PTPRA: variants seen among roughly 807,000 people sequenced by gnomAD.
PTPRA encodes receptor-type tyrosine-protein phosphatase alpha.
A neutral mutation model predicts 104.8 loss-of-function variants in PTPRA; 25 were observed. That is an observed-to-expected ratio of 0.24 (90% CI 0.17 to 0.33). The LOEUF is 0.33. Ranked by LOEUF, PTPRA falls within the 10% of genes least tolerant of loss-of-function variation. The probability of loss-of-function intolerance (pLI) is 1.00; values close to 1 mark genes in which losing one functional copy is unlikely to be tolerated. For missense variants in PTPRA, 765 were observed against 1,015.3 expected (o/e 0.75, Z 3.35); for synonymous variants, 323 against 368.9 (o/e 0.88, Z 1.43).
rs117535407 is a variant in PTPRA at position 3,009,413 on chromosome 20, C to T, written c.906+1993C>T. Among the ~76,000 whole-genome samples, 355 of 151,936 alleles carry T rather than the reference C, an allele frequency of 2.3e-3. No individual in the cohort carries two copies. The Middle Eastern group carries it at 0.024, about 10-fold the overall frequency. On this transcript the variant is annotated intron_variant, in intron 11 of 23. Coordinates refer to ENST00000399903, the MANE Select transcript of PTPRA (RefSeq NM_001385305.1). ...CTTCAGTTTCAGTAGAAAAGAAAAG[C>T]GTTAGGAAGTTGTTAGGAATAAACA...
chr20:3,018,803 G>A (rs1264681439), intron 13 of PTPRA, among the ~76,000 whole-genome samples: 2 of 138,070 alleles, frequency 1.4e-5, no homozygotes, highest in East Asian at 2.3e-4. Context: ...AGGGGCGGCC[G>A]GGCAGAGGCG....
chr20:2,961,419 C>T (rs138172344), intron 3 of PTPRA, among the ~76,000 whole-genome samples: 13 of 152,196 alleles, frequency 8.5e-5, no homozygotes, highest in East Asian at 3.9e-4. Flanking sequence ...GCTTATTTGC[C>T]GTACTGTTTA....
chr20:2,866,681 CGGGGGCATGGTAGCAG>C, the PTPRA span: 1 of 1,504,018 alleles, frequency 6.6e-7, no homozygotes, highest in African/African-American at 1.4e-5. Flanking sequence ...TGCTGAGGAG[CGGGGGCATGGTAGCAG>C]GGCTGTCTGG....
rs1000731563 is a variant in PTPRA at position 2,964,305 on chromosome 20, C to T, written c.28C>T (p.Leu10Phe). The part of the protein sequence containing the change: MDSWFILVL[L>F]GSGLICVSAN... Reference sequence around the variant, plus strand: ...GGATTCCTGGTTCATTCTTGTTCTGCTCGGCAGTGGTCTGATATGTGTCAG... The same window carrying T: ...GGATTCCTGGTTCATTCTTGTTCTGTTCGGCAGTGGTCTGATATGTGTCAG... The change falls in exon 4 of 24, where the codon CTC (leucine) becomes TTC (phenylalanine). Residue 10 changes from leucine (L) to phenylalanine (F), a missense_variant. Transcript: ENST00000399903. The T allele has an allele frequency of 1.2e-6, 2 of 1,610,798 alleles. No individual in the cohort carries two copies. Among genetic ancestry groups the T allele is most frequent in the Non-Finnish European group, 1.7e-6 (2 of 1,178,914 alleles).
At chr20:3,020,920 G>GC (rs977858145) in intron 13 of PTPRA, among the ~76,000 whole-genome samples, 1 of 152,256 alleles carries the variant, frequency 6.6e-6, no homozygotes, top group Non-Finnish European at 1.5e-5. Flanking sequence ...TACCCTGGTG[G>GC]CCCCCTCATA....
intron 2 of PTPRA, among the ~76,000 whole-genome samples, chr20:2,938,897 T>C (rs1241460051): frequency 1.3e-5 from 2 of 152,208 alleles, no homozygotes; most frequent in Non-Finnish European, 2.9e-5. Flanking sequence ...CATCTGTTGA[T>C]TGCCTTTTTT....
chr20:2,901,259 G>C (rs552598203), intron 1 of PTPRA, among the ~76,000 whole-genome samples: 1 of 151,502 alleles, frequency 6.6e-6, no homozygotes, highest in African/African-American at 2.4e-5. Context: ...ATGAGCCACC[G>C]CACCCAGCCT....
At chr20:2,966,531 A>G (rs1460567333) in intron 5 of PTPRA, among the ~76,000 whole-genome samples, 1 of 152,228 alleles carries the variant, frequency 6.6e-6, no homozygotes, top group Non-Finnish European at 1.5e-5. Flanking sequence ...TGCAGATGGC[A>G]TCCCACTATT....
At chr20:2,877,501 C>T (rs1172952355) in intron 1 of PTPRA, among the ~76,000 whole-genome samples, 5 of 152,110 alleles carry the variant, frequency 3.3e-5, no homozygotes, top group East Asian at 1.9e-4. Flanking sequence ...TCAGGTGATC[C>T]GCTGGTCTTG....
intron 1 of PTPRA, among the ~76,000 whole-genome samples, chr20:2,917,914 C>T (rs1600109791): frequency 1.3e-5 from 2 of 151,550 alleles, no homozygotes; most frequent in Admixed American, 6.6e-5. Context: ...GATTGTGAAA[C>T]CCCGTTTCTA....
chr20:2,931,816 C>A (rs760094202), intron 2 of PTPRA, among the ~76,000 whole-genome samples: 1 of 152,040 alleles, frequency 6.6e-6, no homozygotes, highest in Non-Finnish European at 1.5e-5. Flanking sequence ...ACTGCAGCCT[C>A]AAACGAACCT....
Position 3,038,149 on chromosome 20 carries a change from C to T in PTPRA, c.*16C>T, listed in dbSNP as rs770584609. On this transcript the variant is annotated 3_prime_UTR_variant, in exon 24 of 24. Coordinates refer to ENST00000399903, the MANE Select transcript of PTPRA (RefSeq NM_001385305.1). Reference sequence around the variant, plus strand: ...CTTCAAGTAAGCGGCAACAAGGGTCCGTGGACCAGGAGGATTGCCTTTAAT... The same window carrying T: ...CTTCAAGTAAGCGGCAACAAGGGTCTGTGGACCAGGAGGATTGCCTTTAAT... The T allele has an allele frequency of 1.2e-5, 19 of 1,589,894 alleles. No homozygotes were observed. The highest frequency in any genetic ancestry group is 9.9e-5 in the South Asian group (9 of 90,502).
At chr20:2,885,918 G>T (rs1417897004) in intron 1 of PTPRA, among the ~76,000 whole-genome samples, 1 of 152,122 alleles carries the variant, frequency 6.6e-6, no homozygotes, top group Non-Finnish European at 1.5e-5. Context: ...ACAAAAATTA[G>T]CTGGGCGTGG....
At chr20:2,921,764 G>T (rs1474792755) in intron 1 of PTPRA, among the ~76,000 whole-genome samples, 1 of 152,146 alleles carries the variant, frequency 6.6e-6, no homozygotes, top group East Asian at 1.9e-4. Flanking sequence ...GGTATAGGGA[G>T]CCATCAGACT....
At chr20:2,884,146 A>G (rs933574761) in intron 1 of PTPRA, among the ~76,000 whole-genome samples, 4 of 152,166 alleles carry the variant, frequency 2.6e-5, no homozygotes, top group Admixed American at 1.3e-4. Context: ...TCATCAATTG[A>G]TGAACATTTA....
At chr20:2,936,693 G>C (rs565592674) in intron 2 of PTPRA, among the ~76,000 whole-genome samples, 1 of 152,030 alleles carries the variant, frequency 6.6e-6, no homozygotes, top group Non-Finnish European at 1.5e-5. Flanking sequence ...GGCTGGTCTC[G>C]AAGTCTTGGG....
intron 9 of PTPRA, among the ~76,000 whole-genome samples, chr20:2,998,876 G>T (rs1360877935): frequency 6.6e-6 from 1 of 150,764 alleles, no homozygotes; most frequent in Non-Finnish European, 1.5e-5. Flanking sequence ...ACATATTATA[G>T]AATTAATATG....
At position 3,007,420 on chromosome 20, in the gene PTPRA, C is replaced by T. The variant is rs140971102; in HGVS notation, c.906C>T (p.Asn302=). The part of the protein sequence containing the change: ...DSDYINASFI[N]GYQEKNKFIA... Reference sequence around the variant, plus strand: ...ATTACATCAATGCTTCATTCATCAACGTAAGGATCGGGTGCTTTCCCTGTC... The same window carrying T: ...ATTACATCAATGCTTCATTCATCAATGTAAGGATCGGGTGCTTTCCCTGTC... Residue 302 remains asparagine (N), a splice_region_variant and synonymous_variant, in exon 11 of 24, where the codon AAC becomes AAT. Coordinates refer to ENST00000399903, the MANE Select transcript of PTPRA (RefSeq NM_001385305.1). 335 of 1,613,412 alleles carry T rather than the reference C, an allele frequency of 2.1e-4. 3 individuals are homozygous for T. In the African/African-American group the frequency reaches 3.7e-3, roughly 18 times the overall value.
At chr20:2,864,439 A>G in the PTPRA span, 7 of 1,614,204 alleles carry the variant, frequency 4.3e-6, no homozygotes, top group South Asian at 6.6e-5. This position sits in a 1 kb window ranked among gnomAD's most constrained non-coding sequence, Gnocchi z 5.2. Flanking sequence ...GAATCAGCCC[A>G]TGGCCCTCAG....
Sources: allele counts gnomAD v4.1 joint callset (sites outside exome capture counted in the v4.1 genomes callset), GRCh38; gene constraint gnomAD v4.1.1; non-coding constraint Gnocchi (gnomAD v3.1); transcripts MANE v1.5; gene names NCBI Gene and HGNC (gene_info 2026-07-23, HGNC 2026-07-21).